Variants in SAMD12 observed in about 807,000 individuals in gnomAD.
SAMD12 encodes the protein sterile alpha motif domain-containing protein 12.
Under a neutral mutation model 15.0 loss-of-function variants are expected in SAMD12, and 9 were observed. The observed-to-expected ratio is 0.60, with a 90% CI of 0.36 to 1.05. SAMD12 has a LOEUF of 1.05. SAMD12 is among the 50% of genes least tolerant of loss of function. The pLI is 0.01. For synonymous variants in SAMD12, 86 were observed against 90.1 expected (o/e 0.96, Z 0.25); for missense variants, 230 against 234.2 (o/e 0.98, Z 0.12).
chr8:118,614,168 G>C (rs1828176445), intron 1 of SAMD12, among the ~76,000 whole-genome samples: 2 of 152,160 alleles, frequency 1.3e-5, no homozygotes. Flanking sequence ...AAGTATGGCA[G>C]GAAGACAAGG....
intron 4 of SAMD12, among the ~76,000 whole-genome samples, chr8:118,353,807 C>T (rs552002265): frequency 3.2e-4 from 48 of 152,256 alleles, no homozygotes; most frequent in Non-Finnish European, 6.2e-4. Flanking sequence ...GCCTGCCATC[C>T]CTTGCCCTCT....
At chr8:118,474,192 C>T (rs1823890928) in intron 2 of SAMD12, among the ~76,000 whole-genome samples, 1 of 152,034 alleles carries the variant, frequency 6.6e-6, no homozygotes, top group East Asian at 1.9e-4. Context: ...AACTCCTGAC[C>T]TCAAGTGATC....
chr8:118,176,037 C>T, the SAMD12 span, among the ~76,000 whole-genome samples: 1 of 152,216 alleles, frequency 6.6e-6, no homozygotes, highest in Non-Finnish European at 1.5e-5. Flanking sequence ...CGTGGTGGCT[C>T]ACGCCTGCAA....
At chr8:118,413,629 G>A (rs1821535626) in intron 3 of SAMD12, among the ~76,000 whole-genome samples, 1 of 151,838 alleles carries the variant, frequency 6.6e-6, no homozygotes, top group Non-Finnish European at 1.5e-5. Flanking sequence ...CTTACTTTTG[G>A]GTTTCATTTC....
intron 3 of SAMD12, among the ~76,000 whole-genome samples, chr8:118,437,587 T>G (rs1324424598): frequency 6.6e-6 from 1 of 152,148 alleles, no homozygotes; most frequent in Non-Finnish European, 1.5e-5. Flanking sequence ...TTTTCTTTAT[T>G]TTGGAGATGA....
intron 3 of SAMD12, among the ~76,000 whole-genome samples, chr8:118,385,643 T>C (rs966520485): frequency 1.3e-5 from 2 of 152,218 alleles, no homozygotes; most frequent in African/African-American, 4.8e-5. Context: ...ACTAACATGC[T>C]GGGGGTGTCT....
chr8:118,222,544 T>A (rs142856382), intron 4 of SAMD12, among the ~76,000 whole-genome samples: 1 of 152,146 alleles, frequency 6.6e-6, no homozygotes, highest in Non-Finnish European at 1.5e-5. Flanking sequence ...TTGCTCCTGT[T>A]GCCCAGGGTG....
chr8:118,453,162 C>G (rs190098947), intron 2 of SAMD12, among the ~76,000 whole-genome samples: 3 of 152,138 alleles, frequency 2.0e-5, no homozygotes, highest in Admixed American at 6.5e-5. Context: ...TACAATATTA[C>G]TTTTATTATA....
intron 4 of SAMD12, among the ~76,000 whole-genome samples, chr8:118,330,543 T>C (rs1377059605): frequency 6.6e-6 from 1 of 152,194 alleles, no homozygotes; most frequent in Admixed American, 6.5e-5. Context: ...TAAAGAATCA[T>C]ATACTTTGGA....
chr8:118,440,703 C>A (rs1033710208), intron 2 of SAMD12, among the ~76,000 whole-genome samples: 3 of 148,656 alleles, frequency 2.0e-5, no homozygotes, highest in African/African-American at 5.1e-5. Context: ...CACAAACACA[C>A]ACACACACAC....
At chr8:118,592,302 A>G (rs72678174) in intron 1 of SAMD12, among the ~76,000 whole-genome samples, 2,662 of 152,014 alleles carry the variant, frequency 0.018, 38 homozygotes, top group African/African-American at 0.036. Context: ...CAAATAGAGG[A>G]AAAAAAATGG....
At chr8:118,532,019 A>C (rs1457246076) in intron 2 of SAMD12, among the ~76,000 whole-genome samples, 1 of 152,142 alleles carries the variant, frequency 6.6e-6, no homozygotes, top group Non-Finnish European at 1.5e-5. Flanking sequence ...TTTCAAAGGG[A>C]ATGCTTCCAG....
chr8:118,506,857 G>A lies in SAMD12; in HGVS notation c.193-66896C>T, dbSNP rs1000664810. 2.6e-5 allele frequency among the ~76,000 whole-genome samples: 4 copies of A among 151,264 alleles called. No individual in the cohort carries two copies. In the Admixed American group the frequency reaches 2.7e-4, roughly 10 times the overall value. On this transcript the variant is annotated intron_variant, in intron 2 of 3. Coordinates refer to ENST00000314727, the MANE Select transcript of SAMD12 (RefSeq NM_207506.3). ...CTGGGTGATGGAGAAGTCCACAGCT[G>A]ATCAGGAACCTTCAACCACTGGATC...
intron 4 of SAMD12, among the ~76,000 whole-genome samples, chr8:118,346,317 A>G (rs908271597): frequency 2.6e-5 from 4 of 152,226 alleles, no homozygotes; most frequent in African/African-American, 9.6e-5. Context: ...TCTTGAGGCT[A>G]CTGTTTCCAG....
At chr8:118,134,225 C>T in the SAMD12 span, among the ~76,000 whole-genome samples, 6 of 152,278 alleles carry the variant, frequency 3.9e-5, no homozygotes, top group Non-Finnish European at 7.4e-5. Context: ...CTTCAACAAC[C>T]GACTGTCTCT....
intron 1 of SAMD12, among the ~76,000 whole-genome samples, chr8:118,586,349 T>C (rs975091801): frequency 1.3e-5 from 2 of 151,644 alleles, no homozygotes; most frequent in Non-Finnish European, 2.9e-5. Flanking sequence ...TCTTTCTTTT[T>C]TTTTTTTTTT....
chr8:118,442,532 G>A (rs1485458806), intron 2 of SAMD12, among the ~76,000 whole-genome samples: 1 of 152,190 alleles, frequency 6.6e-6, no homozygotes, highest in Admixed American at 6.5e-5. Context: ...GGGTATAAAT[G>A]AATAAATGTT....
At chr8:118,141,447 G>A in the SAMD12 span, among the ~76,000 whole-genome samples, 1 of 152,176 alleles carries the variant, frequency 6.6e-6, no homozygotes, top group East Asian at 1.9e-4. Context: ...GGAAAATGAA[G>A]CTTGGTCAGG....
chr8:118,451,942 A>C (rs1297947191), intron 2 of SAMD12, among the ~76,000 whole-genome samples: 1 of 152,198 alleles, frequency 6.6e-6, no homozygotes, highest in East Asian at 1.9e-4. Context: ...CCCAAAATTC[A>C]CATGTTGAAG....
Sources: allele counts gnomAD v4.1 joint callset (sites outside exome capture counted in the v4.1 genomes callset), GRCh38; gene constraint gnomAD v4.1.1; transcripts MANE v1.5; gene names NCBI Gene and HGNC (gene_info 2026-07-23, HGNC 2026-07-21).